AUH: variants seen among roughly 807,000 people sequenced by gnomAD.
AUH encodes AU RNA binding methylglutaconyl-CoA hydratase, also known as methylglutaconyl-CoA hydratase, mitochondrial.
Under a neutral mutation model 42.3 loss-of-function variants are expected in AUH, and 29 were observed. The ratio of observed to expected loss-of-function variants is 0.69; its 90% CI spans 0.51 to 0.93. The LOEUF (loss-of-function observed/expected upper bound fraction) is 0.93. AUH is among the 40% of genes least tolerant of loss of function. The pLI is 0.00. For synonymous variants in AUH, 174 were observed against 166.4 expected (o/e 1.05, Z -0.35); for missense variants, 452 against 438.1 (o/e 1.03, Z -0.28).
intron 6 of AUH, among the ~76,000 whole-genome samples, chr9:91,284,655 G>A (rs192610120): frequency 1.3e-5 from 2 of 152,214 alleles, no homozygotes; most frequent in East Asian, 3.9e-4. Flanking sequence ...GTAGGCGAAG[G>A]ATATGAACAG....
At chr9:91,289,545 A>G (rs1450282470) in intron 6 of AUH, among the ~76,000 whole-genome samples, 1 of 152,228 alleles carries the variant, frequency 6.6e-6, no homozygotes, top group Non-Finnish European at 1.5e-5. Context: ...ATCTACCAAG[A>G]AGGGAGAAAA....
chr9:91,312,438 G>A (rs1359106320), intron 4 of AUH, among the ~76,000 whole-genome samples: 1 of 152,188 alleles, frequency 6.6e-6, no homozygotes, highest in Non-Finnish European at 1.5e-5. Context: ...CAAAATTTCT[G>A]AACATTAGGC....
chr9:91,230,297 ATTCAT>A (rs1312200179), intron 6 of AUH, among the ~76,000 whole-genome samples: 14 of 151,818 alleles, frequency 9.2e-5, no homozygotes, highest in Non-Finnish European at 1.9e-4. Flanking sequence ...GCTTCATTTC[ATTCAT>A]TTCATCTTCC....
chr9:91,276,291 T>C (rs1825536783), intron 6 of AUH, among the ~76,000 whole-genome samples: 1 of 151,648 alleles, frequency 6.6e-6, no homozygotes, highest in Non-Finnish European at 1.5e-5. Context: ...ATTAGCCGGG[T>C]GTGGTGGCGG....
At chr9:91,272,636 T>A (rs187620020) in intron 6 of AUH, among the ~76,000 whole-genome samples, 1 of 152,318 alleles carries the variant, frequency 6.6e-6, no homozygotes, top group African/African-American at 2.4e-5. Context: ...GCTTAATTTT[T>A]CCATCACCAC....
chr9:91,343,608 A>T (rs1211872054), intron 3 of AUH, among the ~76,000 whole-genome samples: 1 of 152,200 alleles, frequency 6.6e-6, no homozygotes, highest in Non-Finnish European at 1.5e-5. Context: ...TACTAAAAAT[A>T]CAAAAATTAG....
At chr9:91,318,218 G>T (rs1332149040) in intron 4 of AUH, among the ~76,000 whole-genome samples, 1 of 151,974 alleles carries the variant, frequency 6.6e-6, no homozygotes, top group African/African-American at 2.4e-5. Context: ...AAAAAACTGG[G>T]TCTGGTGCTT....
intron 4 of AUH, among the ~76,000 whole-genome samples, chr9:91,312,965 C>T (rs1354946086): frequency 5.9e-5 from 9 of 152,100 alleles, no homozygotes; most frequent in Non-Finnish European, 1.0e-4. Flanking sequence ...ATAAAAGTTC[C>T]CATGAGGCAA....
At chr9:91,323,699 T>G (rs1376495776) in intron 4 of AUH, among the ~76,000 whole-genome samples, 1 of 151,172 alleles carries the variant, frequency 6.6e-6, no homozygotes, top group Non-Finnish European at 1.5e-5. Context: ...GAGGGTCTCA[T>G]TCAAAGGAAT....
At chr9:91,270,719 T>G (rs1166354588) in intron 6 of AUH, among the ~76,000 whole-genome samples, 1 of 152,098 alleles carries the variant, frequency 6.6e-6, no homozygotes, top group African/African-American at 2.4e-5. Context: ...GTGCCATATG[T>G]GGTACCTATC....
intron 1 of AUH, among the ~76,000 whole-genome samples, chr9:91,357,821 G>GA (rs1323108814): frequency 1.3e-5 from 2 of 152,194 alleles, no homozygotes; most frequent in African/African-American, 4.8e-5. Context: ...AGGGGGAGAA[G>GA]AGAGTGACCA....
intron 6 of AUH, among the ~76,000 whole-genome samples, chr9:91,260,529 C>T (rs1829655183): frequency 6.6e-6 from 1 of 152,220 alleles, no homozygotes; most frequent in South Asian, 2.1e-4. Flanking sequence ...TCAGCTAGGG[C>T]TTTATGAGAG....
chr9:91,296,146 T>C, intron 5 of AUH, 69 bp from the exon 6 acceptor site: 1 of 1,438,884 alleles, frequency 6.9e-7, no homozygotes, highest in Non-Finnish European at 9.7e-7. Flanking sequence ...CTTGAAAAAG[T>C]TATGAGATAT....
At chr9:91,269,850 A>G (rs541252975) in intron 6 of AUH, among the ~76,000 whole-genome samples, 1 of 152,292 alleles carries the variant, frequency 6.6e-6, no homozygotes, top group East Asian at 1.9e-4. Context: ...TCCACAAAAC[A>G]AAAAAACATT....
chr9:91,250,949 T>C (rs1178452531), intron 6 of AUH, among the ~76,000 whole-genome samples: 2 of 152,150 alleles, frequency 1.3e-5, no homozygotes, highest in African/African-American at 4.8e-5. Context: ...CAAGTAAGTA[T>C]TTGATAAAGA....
intron 4 of AUH, among the ~76,000 whole-genome samples, chr9:91,323,910 T>C (rs1829780663): frequency 6.6e-6 from 1 of 152,144 alleles, no homozygotes; most frequent in Non-Finnish European, 1.5e-5. Context: ...CCAATCACAG[T>C]TGCAATACAG....
chr9:91,291,071 A>G (rs1183661761), intron 6 of AUH, among the ~76,000 whole-genome samples: 1 of 152,128 alleles, frequency 6.6e-6, no homozygotes, highest in African/African-American at 2.4e-5. Flanking sequence ...CCTCTCACCC[A>G]TGGCTTCCCG....
chr9:91,232,102 C>T (rs1827920324), intron 6 of AUH, among the ~76,000 whole-genome samples: 1 of 152,140 alleles, frequency 6.6e-6, no homozygotes, highest in Non-Finnish European at 1.5e-5. Context: ...TACACTATGG[C>T]CAGGCATGGT....
At chr9:91,310,605 T>A (rs781780384) in intron 4 of AUH, among the ~76,000 whole-genome samples, 7 of 152,198 alleles carry the variant, frequency 4.6e-5, no homozygotes, top group Non-Finnish European at 1.0e-4. Flanking sequence ...TTCATCACAT[T>A]TTAACAATGT....
Sources: gnomAD v4.1 joint callset for allele counts (sites outside exome capture counted in the v4.1 genomes callset) on GRCh38, gnomAD v4.1.1 for gene constraint, MANE v1.5 for transcripts, NCBI Gene and HGNC (gene_info 2026-07-23, HGNC 2026-07-21) for gene names.